Variants in RPSA2 observed in about 807,000 individuals in gnomAD.
RPSA2 encodes the protein ribosomal protein SA 2.
the RPSA2 span, among the ~76,000 whole-genome samples, chr19:23,783,200 A>G: frequency 2.0e-5 from 3 of 151,916 alleles, no homozygotes; most frequent in East Asian, 1.9e-4. Flanking sequence ...GGTTCAAGCA[A>G]TTCTCTTGGC....
chr19:23,779,266 C>A, the RPSA2 span, among the ~76,000 whole-genome samples: 1 of 152,116 alleles, frequency 6.6e-6, no homozygotes, highest in Admixed American at 6.6e-5. Flanking sequence ...TCCCAAAGTG[C>A]TGGGATTACA....
the RPSA2 span, among the ~76,000 whole-genome samples, chr19:23,854,741 T>C: frequency 1.3e-5 from 2 of 152,224 alleles, no homozygotes; most frequent in Non-Finnish European, 2.9e-5. Flanking sequence ...ACTGCAATTA[T>C]AGCAGGCTCC....
At chr19:23,782,813 A>G in the RPSA2 span, among the ~76,000 whole-genome samples, 1 of 152,108 alleles carries the variant, frequency 6.6e-6, no homozygotes, top group Non-Finnish European at 1.5e-5. Context: ...CCCAGCACCT[A>G]GGCTATGTCT....
the RPSA2 span, among the ~76,000 whole-genome samples, chr19:23,859,518 C>A: frequency 1.3e-5 from 2 of 152,012 alleles, no homozygotes; most frequent in Non-Finnish European, 2.9e-5. Context: ...TCCCAGCAAC[C>A]CAGGATGCTT....
At chr19:23,857,952 T>C in the RPSA2 span, among the ~76,000 whole-genome samples, 5 of 152,124 alleles carry the variant, frequency 3.3e-5, no homozygotes, top group Non-Finnish European at 7.3e-5. Flanking sequence ...GGAGAGACAA[T>C]TGCTTCATTT....
At chr19:23,824,383 G>A in the RPSA2 span, among the ~76,000 whole-genome samples, 2 of 151,720 alleles carry the variant, frequency 1.3e-5, no homozygotes, top group Non-Finnish European at 2.9e-5. Context: ...TTGTTGTGAA[G>A]TAACCTTGAG....
chr19:23,834,315 A>T, the RPSA2 span, among the ~76,000 whole-genome samples: 1 of 7,080 alleles, frequency 1.4e-4, no homozygotes, highest in Non-Finnish European at 4.1e-4. Context: ...AAATTACTTC[A>T]TGCTCTTCCA....
the RPSA2 span, among the ~76,000 whole-genome samples, chr19:23,791,735 C>A: frequency 6.8e-6 from 1 of 146,416 alleles, no homozygotes; most frequent in Admixed American, 6.9e-5. Context: ...TTAATCTTTT[C>A]TTTTTTTTTT....
chr19:23,850,529 T>A, the RPSA2 span, among the ~76,000 whole-genome samples: 1 of 149,544 alleles, frequency 6.7e-6, no homozygotes, highest in South Asian at 2.2e-4. Context: ...TCACCAGGTA[T>A]GAGGGTGGTC....
chr19:23,827,893 G>C, the RPSA2 span: 1 of 937,680 alleles, frequency 1.1e-6, no homozygotes, highest in Non-Finnish European at 1.7e-6. Flanking sequence ...CTCAGCCTGA[G>C]GTTGCAGACT....
the RPSA2 span, among the ~76,000 whole-genome samples, chr19:23,773,529 G>A: frequency 6.6e-6 from 1 of 152,032 alleles, no homozygotes; most frequent in African/African-American, 2.4e-5. Context: ...TGATCTGCCC[G>A]CCTCAGTCTC....
the RPSA2 span, among the ~76,000 whole-genome samples, chr19:23,776,037 ACT>A: frequency 6.6e-6 from 1 of 152,164 alleles, no homozygotes; most frequent in Non-Finnish European, 1.5e-5. Context: ...AAGTGATGTA[ACT>A]CTGTTCTGCC....
the RPSA2 span, chr19:23,828,004 T>C: frequency 2.5e-6 from 2 of 788,704 alleles, no homozygotes; most frequent in Non-Finnish European, 4.2e-6. Context: ...CAGCTCCCAC[T>C]GCTCAGGCCA....
chr19:23,778,955 C>G, the RPSA2 span, among the ~76,000 whole-genome samples: 1 of 149,884 alleles, frequency 6.7e-6, no homozygotes, highest in Non-Finnish European at 1.5e-5. Flanking sequence ...ATTTGACTGA[C>G]TCTCCTGCCT....
chr19:23,827,264 G>T, the RPSA2 span: 4 of 763,216 alleles, frequency 5.2e-6, no homozygotes, highest in African/African-American at 3.3e-5. Flanking sequence ...CTTCCAGATG[G>T]AACACTACAT....
At chr19:23,860,876 C>G in the RPSA2 span, among the ~76,000 whole-genome samples, 2 of 152,150 alleles carry the variant, frequency 1.3e-5, no homozygotes, top group East Asian at 3.9e-4. Flanking sequence ...TACCACAATG[C>G]AAGACCTGCC....
At chr19:23,837,893 A>G in the RPSA2 span, among the ~76,000 whole-genome samples, 1 of 152,140 alleles carries the variant, frequency 6.6e-6, no homozygotes, top group Non-Finnish European at 1.5e-5. Context: ...TGTCATCAGC[A>G]AACAGGGACA....
the RPSA2 span, among the ~76,000 whole-genome samples, chr19:23,796,906 C>T: frequency 6.7e-6 from 1 of 148,928 alleles, no homozygotes; most frequent in East Asian, 2.0e-4. Flanking sequence ...TTTCTTGATA[C>T]TGATTTTGGT....
At chr19:23,762,141 C>A in the RPSA2 span, among the ~76,000 whole-genome samples, 4 of 150,040 alleles carry the variant, frequency 2.7e-5, no homozygotes, top group Non-Finnish European at 5.9e-5. Flanking sequence ...TGGTCTCGAA[C>A]TCCTGACCTC....
Sources: allele counts gnomAD v4.1 joint callset (sites outside exome capture counted in the v4.1 genomes callset), GRCh38; gene constraint gnomAD v4.1.1; transcripts MANE v1.5; gene names NCBI Gene and HGNC (gene_info 2026-07-23, HGNC 2026-07-21).